GCC2: variants seen among roughly 807,000 people sequenced by gnomAD.
GCC2 encodes GRIP and coiled-coil domain-containing protein 2.
In GCC2, 120 loss-of-function variants were observed where a neutral mutation model predicts 210.6. That is an observed-to-expected ratio of 0.57 (90% CI 0.49 to 0.66). The LOEUF (loss-of-function observed/expected upper bound fraction) is 0.66, where lower values mean the gene tolerates loss of function less well. GCC2 is among the 30% of genes least tolerant of loss of function. The pLI is 0.00. For synonymous variants in GCC2, 703 were observed against 652.7 expected, an observed-to-expected ratio of 1.08 and a Z score of -1.17; for missense variants, 1,868 against 1,871.9, an observed-to-expected ratio of 1.00 and a Z score of 0.04.
intron 4 of GCC2, among the ~76,000 whole-genome samples, chr2:108,468,530 G>C (rs957673064): frequency 2.0e-5 from 3 of 151,964 alleles, no homozygotes; most frequent in African/African-American, 7.3e-5. Flanking sequence ...TTTCTGCAGA[G>C]AATAACCTGT....
At chr2:108,476,293 C>T (rs1365765663) in intron 9 of GCC2, among the ~76,000 whole-genome samples, 3 of 151,940 alleles carry the variant, frequency 2.0e-5, no homozygotes, top group East Asian at 1.9e-4. Flanking sequence ...CTCCTGACCT[C>T]GTGATCCACC....
intron 18 of GCC2, 40 bp downstream of exon 18, chr2:108,490,054 A>C: frequency 7.2e-7 from 1 of 1,389,416 alleles, no homozygotes; most frequent in Non-Finnish European, 9.7e-7. Context: ...CCAGACAGCA[A>C]TGTATTTCTT....
intron 4 of GCC2, among the ~76,000 whole-genome samples, chr2:108,464,340 C>T (rs999699326): frequency 4.6e-5 from 7 of 152,164 alleles, no homozygotes; most frequent in African/African-American, 1.2e-4. Flanking sequence ...GATTGCCACC[C>T]GTGCTGCCAC....
In GCC2 at chr2:108,495,488, A is replaced by T; in HGVS notation, c.4642+3A>T. On this transcript the variant is annotated splice_donor_region_variant and intron_variant, in intron 20 of 22. Transcript: ENST00000309863. Reference sequence around the variant, plus strand: ...TAACTCTCCCGAAACTAAACTTGGTATGTTACTCTGTCTAAATATGTTTTT... The same window carrying T: ...TAACTCTCCCGAAACTAAACTTGGTTTGTTACTCTGTCTAAATATGTTTTT... 6.4e-7 allele frequency: 1 copy of T among 1,560,988 alleles called. No individual in the cohort carries two copies. Among genetic ancestry groups the T allele is most frequent in the Non-Finnish European group, 8.7e-7 (1 of 1,148,948 alleles).
chr2:108,461,664 A>G (rs924981077), intron 4 of GCC2, among the ~76,000 whole-genome samples: 1 of 150,838 alleles, frequency 6.6e-6, no homozygotes, highest in Non-Finnish European at 1.5e-5. Context: ...CACCATGCCC[A>G]GCTAATTTTT....
rs540390097 is a variant in GCC2, at chr2:108,469,571, T to C, written c.322-80T>C. On this transcript the variant is annotated intron_variant, in intron 5 of 22. Transcript: ENST00000309863. Reference sequence around the variant, plus strand: ...CATTTACTTTTCTCTCTACTTAGCTTGTGGCTAATATTTTTCCTAAGGTCA... The same window carrying C: ...CATTTACTTTTCTCTCTACTTAGCTCGTGGCTAATATTTTTCCTAAGGTCA... 1.5e-5 allele frequency: 14 copies of C among 922,598 alleles called. 1 individual carries two copies. In the South Asian group the frequency reaches 2.2e-4, roughly 15 times the overall value. 57.2% of individuals were successfully genotyped at this position (922,598 alleles called of 1,614,324 possible). A position where few individuals can be genotyped will look rare whatever the true frequency, so the allele number is the denominator to read the frequency against.
chr2:108,469,870 A>G lies in GCC2; in HGVS notation c.541A>G (p.Lys181Glu). The part of the protein sequence containing the change: ...KFQNNSEDNV[K>E]KLQEEIEKIR... Reference sequence around the variant, plus strand: ...TCAGAACAACTCTGAAGATAATGTTAAAAAACTACAAGAAGAGATTGAGAA... The same window carrying G: ...TCAGAACAACTCTGAAGATAATGTTGAAAAACTACAAGAAGAGATTGAGAA... The change falls in exon 6 of 23, where the codon AAA (lysine) becomes GAA (glutamate). Residue 181 changes from lysine to glutamate, a missense_variant. By Grantham distance (56) the Lys-to-Glu change is moderately conservative. This residue lies in a region of GCC2 where 1,847 missense variants were observed against 1,765.2 expected (regional missense o/e 1.05). Transcript: ENST00000309863. 6.2e-7 allele frequency: 1 copy of G among 1,612,298 alleles called. No homozygotes were observed. The highest frequency in any genetic ancestry group is 8.5e-7 in the Non-Finnish European group (1 of 1,179,284).
At chr2:108,461,836 C>CTTTTTTTTT (rs1200531303) in intron 4 of GCC2, among the ~76,000 whole-genome samples, 2 of 121,142 alleles carry the variant, frequency 1.7e-5, no homozygotes, top group African/African-American at 3.2e-5. Flanking sequence ...TTTTCTTTTT[C>CTTTTTTTTT]TTTTTTTTTT....
rs1331092618 is a variant in GCC2, at chr2:108,470,630, A to T, written c.1301A>T (p.Gln434Leu). ...GTACAGAGTCTTAAGGAACAACATCAAAAAGAAATATCAGAACTAAATGAG... is the reference window on the plus strand; with the variant it reads ...GTACAGAGTCTTAAGGAACAACATCTAAAAGAAATATCAGAACTAAATGAG... ...REVQSLKEQH[Q>L]KEISELNETF... Residue 434 changes from glutamine to leucine, a missense_variant, in exon 6 of 23, where the codon CAA (glutamine) becomes CTA (leucine). Around this residue, in one of 3 missense-constraint regions of GCC2, gnomAD observed 1,847 missense variants for 1,765.2 expected, o/e 1.05. Transcript: ENST00000309863. The T allele has an allele frequency of 6.2e-7, 1 of 1,612,494 alleles. No individual in the cohort carries two copies. Among genetic ancestry groups the T allele is most frequent in the South Asian group, 1.1e-5 (1 of 90,896 alleles).
At chr2:108,506,578 C>G (rs574918344) in intron 22 of GCC2, among the ~76,000 whole-genome samples, 37 of 152,232 alleles carry the variant, frequency 2.4e-4, no homozygotes, top group Admixed American at 2.3e-3. Flanking sequence ...GCAGGTTTTA[C>G]TATAAGTAAG....
At chr2:108,499,252 T>A (rs1317140524) in intron 21 of GCC2, among the ~76,000 whole-genome samples, 1 of 152,100 alleles carries the variant, frequency 6.6e-6, no homozygotes, top group Non-Finnish European at 1.5e-5. Flanking sequence ...GACAGTGGAG[T>A]TATATAGCCC....
chr2:108,481,927 C>T, intron 10 of GCC2, 111 bp downstream of exon 10: 2 of 711,804 alleles, frequency 2.8e-6, no homozygotes, highest in Non-Finnish European at 2.2e-6. Flanking sequence ...TTTATTCCCC[C>T]CCCACTTTAC....
intron 18 of GCC2, among the ~76,000 whole-genome samples, chr2:108,492,141 G>GTTT (rs200630743): frequency 7.1e-6 from 1 of 140,092 alleles, no homozygotes. Flanking sequence ...AGAGTGTGGG[G>GTTT]TTTTTTTTTT....
intron 4 of GCC2, among the ~76,000 whole-genome samples, chr2:108,458,231 A>G (rs1305025833): frequency 6.7e-6 from 1 of 149,952 alleles, no homozygotes; most frequent in African/African-American, 2.4e-5. Flanking sequence ...TGATTTGCAT[A>G]TATTGAACCA....
Position 108,469,669 on chromosome 2 carries a change from G to C in GCC2, c.340G>C (p.Gly114Arg), listed in dbSNP as rs746930580. Residue 114 changes from glycine (G) to arginine (R), a missense_variant, in exon 6 of 23, where the codon GGA becomes CGA. Transcript: ENST00000309863. ...QEVEDSVTKM[G>R]DAHKELEQSH... Reference sequence around the variant, plus strand: ...GTAATAGGATTCTGTAACAAAGATGGGAGATGCACATAAGGAGTTGGAACA... The same window carrying C: ...GTAATAGGATTCTGTAACAAAGATGCGAGATGCACATAAGGAGTTGGAACA... 1 of 1,586,814 alleles carries C rather than the reference G, an allele frequency of 6.3e-7. No homozygotes were observed.
At chr2:108,484,049 A>G (rs1048985940) in intron 12 of GCC2, 100 bp from the exon 13 acceptor site, 1 of 617,350 alleles carries the variant, frequency 1.6e-6, no homozygotes, top group Non-Finnish European at 2.8e-6. Flanking sequence ...GCACCCATTT[A>G]TTGCTGTGGC....
intron 3 of GCC2, 150 bp from the exon 4 acceptor site, chr2:108,452,249 T>C (rs753984549): frequency 1.6e-5 from 10 of 635,000 alleles, no homozygotes; most frequent in Non-Finnish European, 2.8e-5. Flanking sequence ...TGAAGTATAG[T>C]GATGAGTGCA....
At chr2:108,486,798 C>CA (rs1682163750) in intron 16 of GCC2, 150 bp downstream of exon 16, 1 of 546,262 alleles carries the variant, frequency 1.8e-6, no homozygotes, top group Admixed American at 4.2e-5. Flanking sequence ...CTGGCTTTAA[C>CA]CCCAATCCCA....
rs1680634377 is a variant in GCC2, at chr2:108,462,294, C to T, written c.217-6686C>T. Among the ~76,000 whole-genome samples, 7 of 147,236 alleles carry T rather than the reference C, an allele frequency of 4.8e-5. No homozygotes were observed. The South Asian group carries it at 1.5e-3, about 32-fold the overall frequency. The stretch of plus-strand genomic sequence containing the variant: ...GATCATGAGGTCAGGAGATCGACAC[C>T]ACCCTGGCTAACACAGTGAAACCCC... On this transcript the variant is annotated intron_variant, in intron 4 of 22. Transcript: ENST00000309863.
Sources: gnomAD v4.1 joint callset for allele counts (sites outside exome capture counted in the v4.1 genomes callset) on GRCh38, gnomAD v4.1.1 for gene constraint, gnomAD v4.1.1 regional missense constraint, MANE v1.5 for transcripts, NCBI Gene and HGNC (gene_info 2026-07-23, HGNC 2026-07-21) for gene names.